Variants in MYH9 observed in about 807,000 individuals in gnomAD.
MYH9 encodes myosin-9.
MYH9 carries 29 observed loss-of-function variants against 241.9 expected under a neutral mutation model. The ratio of observed to expected loss-of-function variants is 0.12; its 90% CI spans 0.09 to 0.16. The LOEUF (loss-of-function observed/expected upper bound fraction) is 0.16. MYH9 is among the 10% of genes least tolerant of loss of function. MYH9 has a pLI of 1.00. For synonymous variants in MYH9, 1,047 were observed against 1,062.6 expected (o/e 0.99, Z 0.29); for missense variants, 1,803 against 2,595.5 (o/e 0.69, Z 6.63).
At position 36,295,862 on chromosome 22, in the gene MYH9, A is replaced by G; in HGVS notation, c.3273-145T>C. On this transcript the variant is annotated intron_variant, in intron 25 of 40. Coordinates refer to ENST00000216181, the MANE Select transcript of MYH9 (RefSeq NM_002473.6). The surrounding 1 kb of genome is among the most constrained non-coding windows in gnomAD (Gnocchi z 4.1). ...GCACTTAGGATGGCTCTCAGCAGAA[A>G]CAACATCTGAGACAACCAGATTGAA... The G allele has an allele frequency of 1.3e-6, 1 of 747,940 alleles. No individual in the cohort carries two copies. Among genetic ancestry groups the G allele is most frequent in the Non-Finnish European group, 2.3e-6 (1 of 431,212 alleles). The allele number at this position is 747,940 out of a possible 1,614,324, so 46.3% of individuals were successfully genotyped here.
At chr22:36,370,043 G>A (rs938643816) in intron 1 of MYH9, among the ~76,000 whole-genome samples, 44 of 152,336 alleles carry the variant, frequency 2.9e-4, no homozygotes, top group African/African-American at 1.1e-3. Flanking sequence ...CTGGCACTGT[G>A]CCAGATAAAT....
At chr22:36,358,826 T>C (rs1223547559) in intron 1 of MYH9, among the ~76,000 whole-genome samples, 1 of 152,112 alleles carries the variant, frequency 6.6e-6, no homozygotes, top group Non-Finnish European at 1.5e-5. Context: ...TGACTTCCTA[T>C]TTCATTGATA....
At chr22:36,317,061 C>G (rs2017167259) in intron 11 of MYH9, among the ~76,000 whole-genome samples, 1 of 151,268 alleles carries the variant, frequency 6.6e-6, no homozygotes, top group African/African-American at 2.4e-5. Context: ...CCAATCTCAT[C>G]AAAATAAGGC....
At chr22:36,319,770 G>C in intron 9 of MYH9, 135 bp from the exon 10 acceptor site, 1 of 882,286 alleles carries the variant, frequency 1.1e-6, no homozygotes, top group Non-Finnish European at 1.8e-6. Context: ...GGGGCCACAG[G>C]GGCGCCAGGT....
rs1244883830 is a variant in MYH9, at chr22:36,295,369, C to T, written c.3485+136G>A. 4 of 786,346 alleles carry T rather than the reference C, an allele frequency of 5.1e-6. No individual in the cohort carries two copies. Among genetic ancestry groups the T allele is most frequent in the Non-Finnish European group, 8.4e-6 (4 of 473,646 alleles). The allele number at this position is 786,346 out of a possible 1,614,324, so 48.7% of individuals were successfully genotyped here. A position where few individuals can be genotyped will look rare whatever the true frequency, so the allele number is the denominator to read the frequency against. Reference sequence around the variant, plus strand: ...AGAGAAACCGCTGAGGAACCAGCAGCTTCCATGCCTGCTGGTGCCTAAGAG... The same window carrying T: ...AGAGAAACCGCTGAGGAACCAGCAGTTTCCATGCCTGCTGGTGCCTAAGAG... On this transcript the variant is annotated intron_variant, in intron 26 of 40. Coordinates refer to ENST00000216181, the MANE Select transcript of MYH9 (RefSeq NM_002473.6). This position sits in a 1 kb window ranked among gnomAD's most constrained non-coding sequence, Gnocchi z 4.1.
rs1295563431 is a variant in MYH9, at chr22:36,292,237, G to A, written c.4096-3C>T. ...ATCTTCTTTTTCATGTCGGCCACCT[G>A]GGCAGGAGCAAGGAGTAAGCAGATG... On this transcript the variant is annotated splice_region_variant and splice_polypyrimidine_tract_variant and intron_variant, in intron 30 of 40. Transcript: ENST00000216181. The A allele has an allele frequency of 3.1e-6, 5 of 1,613,740 alleles. No homozygotes were observed. The highest frequency in any genetic ancestry group is 4.2e-6 in the Non-Finnish European group (5 of 1,180,032).
intron 1 of MYH9, among the ~76,000 whole-genome samples, chr22:36,382,801 T>C (rs2018280026): frequency 6.6e-6 from 1 of 152,018 alleles, no homozygotes; most frequent in South Asian, 2.1e-4. Context: ...AGACCCCATC[T>C]CAAATAAAGA....
Position 36,288,518 on chromosome 22 carries a change from C to T in MYH9, c.4771-105G>A, listed in dbSNP as rs2016628610. The stretch of plus-strand genomic sequence containing the variant: ...GGCCAGTTCTGCAGGATCCATGGGG[C>T]CTCGGGAAACCAGTGGGGATTACTG... On this transcript the variant is annotated intron_variant, in intron 33 of 40. Coordinates refer to ENST00000216181, the MANE Select transcript of MYH9 (RefSeq NM_002473.6). This position sits in a 1 kb window ranked among gnomAD's most constrained non-coding sequence, Gnocchi z 4.8. 10 of 1,473,202 alleles carry T rather than the reference C, an allele frequency of 6.8e-6. No individual in the cohort carries two copies. The highest frequency in any genetic ancestry group is 8.4e-6 in the Non-Finnish European group (9 of 1,068,294). 91.3% of individuals were successfully genotyped at this position (1,473,202 alleles called of 1,614,324 possible).
chr22:36,320,231 T>TC lies in MYH9; in HGVS notation c.1000dup (p.Glu334GlyfsTer28). On this transcript the variant is annotated frameshift_variant, in exon 9 of 41. Transcript: ENST00000216181. LOFTEE classifies it high-confidence loss of function. This position sits in a 1 kb window ranked among gnomAD's most constrained non-coding sequence, Gnocchi z 4.8. ...GGCCAGCCCTGTACCCATTTGCTCC[T>TC]CTTCTGGGATGCCCATAATCCTCAT... 6.2e-7 allele frequency: 1 copy of TC among 1,614,186 alleles called. No homozygotes were observed.
At chr22:36,299,481 G>C (rs932649955) in intron 23 of MYH9, among the ~76,000 whole-genome samples, 2 of 152,198 alleles carry the variant, frequency 1.3e-5, no homozygotes, top group Non-Finnish European at 2.9e-5. Flanking sequence ...TGCTCTCCTT[G>C]CTTTCTGTTC....
Position 36,284,144 on chromosome 22 carries a change from T to G in MYH9, c.5714A>C (p.Glu1905Ala), listed in dbSNP as rs774051540. 6.2e-7 allele frequency: 1 copy of G among 1,614,192 alleles called. No homozygotes were observed. Among genetic ancestry groups the G allele is most frequent in the Non-Finnish European group, 8.5e-7 (1 of 1,180,020 alleles). Residue 1905 changes from glutamate to alanine, a missense_variant, in exon 40 of 41, where the codon GAG becomes GCG. Physicochemically the swap from Glu to Ala is moderately radical, Grantham distance 107. Around this residue, in one of 11 missense-constraint regions of MYH9, gnomAD observed 876 missense variants for 1,077.8 expected, o/e 0.81. Coordinates refer to ENST00000216181, the MANE Select transcript of MYH9 (RefSeq NM_002473.6). ...KLQRELEDAT[E>A]TADAMNREVS... ...TTCGCGGTTCATGGCATCGGCCGTCTCAGTGGCGTCCTCCAGCTCGCGCTG... is the reference window on the plus strand; with the variant it reads ...TTCGCGGTTCATGGCATCGGCCGTCGCAGTGGCGTCCTCCAGCTCGCGCTG...
chr22:36,379,093 GGAT>G (rs2018215857), intron 1 of MYH9, among the ~76,000 whole-genome samples: 1 of 152,154 alleles, frequency 6.6e-6, no homozygotes, highest in Non-Finnish European at 1.5e-5. Flanking sequence ...TTTAAGCAGG[GGAT>G]GATTTCAAAT....
At chr22:36,294,899 C>A in intron 27 of MYH9, 33 bp downstream of exon 27, 1 of 1,607,694 alleles carries the variant, frequency 6.2e-7, no homozygotes, top group Non-Finnish European at 8.5e-7. Context: ...GGGAACCCTG[C>A]CCTCCCCCTG....
rs1229263699 is a variant in MYH9, at chr22:36,314,318, G to A, written c.1381C>T (p.Leu461=). The A allele has an allele frequency of 5.6e-6, 9 of 1,614,116 alleles. No homozygotes were observed. The highest frequency in any genetic ancestry group is 1.7e-4 in the Middle Eastern group (1 of 5,992). ...LDIAGFEIFD[L]NSFEQLCINY... ...ATGCACAGCTGCTCAAACGAGTTCAGCTGCAAGGAGAGAAAACAATGTCAG... is the reference window on the plus strand; with the variant it reads ...ATGCACAGCTGCTCAAACGAGTTCAACTGCAAGGAGAGAAAACAATGTCAG... The change falls in exon 13 of 41, where the codon CTG becomes TTG. Residue 461 remains leucine (L), a splice_region_variant and synonymous_variant. Transcript: ENST00000216181.
chr22:36,297,436 T>C (rs2016806098), intron 24 of MYH9: 1 of 171,912 alleles, frequency 5.8e-6, no homozygotes, highest in Admixed American at 6.0e-5. Context: ...AACTCTGTGA[T>C]GTCACTTGGG....
intron 1 of MYH9, among the ~76,000 whole-genome samples, chr22:36,372,030 T>C (rs2146417436): frequency 6.6e-6 from 1 of 152,176 alleles, no homozygotes; most frequent in East Asian, 1.9e-4. Flanking sequence ...GCAACTGATA[T>C]GTATTTAATG....
At chr22:36,358,391 G>A (rs904496727) in intron 1 of MYH9, among the ~76,000 whole-genome samples, 5 of 152,072 alleles carry the variant, frequency 3.3e-5, no homozygotes, top group Non-Finnish European at 7.4e-5. Flanking sequence ...AATAGTTTTG[G>A]CAAATCAATC....
chr22:36,284,099 T>C lies in MYH9; in HGVS notation c.5759A>G (p.Lys1920Arg), dbSNP rs758475805. ...MNREVSSLKN[K>R]LRRGDLPFVV... ...GGTGGGCAGGGCGGCTCACCTGAGC[T>C]TGTTCTTTAGGGAGCTGACTTCGCG... Residue 1920 changes from lysine (K) to arginine (R), a missense_variant, in exon 40 of 41, where the codon AAG (lysine) becomes AGG (arginine). Lys to Arg is a conservative substitution (Grantham distance 26). Coordinates refer to ENST00000216181, the MANE Select transcript of MYH9 (RefSeq NM_002473.6). 2.5e-6 allele frequency: 4 copies of C among 1,614,192 alleles called. No individual in the cohort carries two copies. Among genetic ancestry groups the C allele is most frequent in the South Asian group, 2.2e-5 (2 of 91,088 alleles).
chr22:36,385,692 G>A (rs1289941729), intron 1 of MYH9, among the ~76,000 whole-genome samples: 1 of 152,176 alleles, frequency 6.6e-6, no homozygotes, highest in Non-Finnish European at 1.5e-5. Context: ...GCCTGCCAAT[G>A]CCGGCTCTCC....
Sources: allele counts gnomAD v4.1 joint callset (sites outside exome capture counted in the v4.1 genomes callset), GRCh38; gene constraint gnomAD v4.1.1; regional missense constraint gnomAD v4.1.1; non-coding constraint Gnocchi (gnomAD v3.1); transcripts MANE v1.5; gene names NCBI Gene and HGNC (gene_info 2026-07-23, HGNC 2026-07-21).